Variants in ZSCAN5A observed in about 807,000 individuals in gnomAD.
ZSCAN5A encodes the protein zinc finger and SCAN domain containing 5A, also known as zinc finger and SCAN domain-containing protein 5A.
ZSCAN5A carries 12 observed loss-of-function variants against 23.7 expected under a neutral mutation model. That is an observed-to-expected ratio of 0.51 (90% CI 0.32 to 0.82). The LOEUF is 0.82. ZSCAN5A is among the 40% of genes least tolerant of loss of function. The pLI, the probability that ZSCAN5A is intolerant of heterozygous loss-of-function variation, is 0.03. For missense variants in ZSCAN5A, 597 were observed against 617.9 expected (o/e 0.97, Z 0.36); for synonymous variants, 257 against 239.9 (o/e 1.07, Z -0.66).
chr19:56,237,997 G>A (rs76756224), intron 2 of ZSCAN5A, among the ~76,000 whole-genome samples: 146 of 10,196 alleles, frequency 0.014, 6 homozygotes, highest in African/African-American at 0.028. Flanking sequence ...ACACACATAC[G>A]CACACATACA....
In ZSCAN5A at chr19:56,221,827, C is replaced by T. The variant is rs543909314; in HGVS notation, c.1239G>A (p.Thr413=). ...TGAACTGCTTCTGGCAGACGTCACA[C>T]GTGTAGGGCCTCTCGCCAGTGTGGG... ...QRTHTGERPY[T]CDVCQKQFTQ... The change falls in exon 6 of 6, where the codon ACG becomes ACA. Residue 413 remains threonine, a synonymous_variant. Transcript: ENST00000683990. The T allele has an allele frequency of 6.8e-6, 11 of 1,614,132 alleles. 1 individual carries two copies. Among genetic ancestry groups the T allele is most frequent in the South Asian group, 4.4e-5 (4 of 91,072 alleles).
At chr19:56,297,665 C>G in intron 2 of ZSCAN5A, 2 of 373,360 alleles carry the variant, frequency 5.4e-6, no homozygotes, top group Non-Finnish European at 7.4e-6. Flanking sequence ...TGAGAGGCTG[C>G]CTTCCTGAAG....
At chr19:56,292,009 A>G (rs1196814074) in intron 2 of ZSCAN5A, among the ~76,000 whole-genome samples, 12 of 152,130 alleles carry the variant, frequency 7.9e-5, no homozygotes, top group Non-Finnish European at 1.5e-5. Flanking sequence ...CACTTGACTG[A>G]GGTATAAAGG....
chr19:56,302,201 C>A, intron 2 of ZSCAN5A: 1 of 748,974 alleles, frequency 1.3e-6, no homozygotes, highest in Non-Finnish European at 1.8e-6. Flanking sequence ...AGGTGCCAAG[C>A]AGGAAGTGGT....
At chr19:56,279,152 C>G (rs1018170679) in intron 2 of ZSCAN5A, among the ~76,000 whole-genome samples, 27 of 152,214 alleles carry the variant, frequency 1.8e-4, no homozygotes, top group Admixed American at 1.1e-3. Flanking sequence ...CTTAGTCAAG[C>G]TGACACCCCA....
intron 2 of ZSCAN5A, chr19:56,285,028 A>G (rs1187751483): frequency 1.0e-6 from 1 of 985,136 alleles, no homozygotes; most frequent in Non-Finnish European, 1.2e-6. Context: ...CCGGATGGTA[A>G]GTGTCAGGAT....
At chr19:56,231,709 T>A (rs545266916) in intron 2 of ZSCAN5A, among the ~76,000 whole-genome samples, 2 of 152,384 alleles carry the variant, frequency 1.3e-5, no homozygotes, top group African/African-American at 2.4e-5. Flanking sequence ...AATTAACTGT[T>A]TTATCTGTAC....
chr19:56,255,305 G>A (rs746725603), intron 2 of ZSCAN5A, among the ~76,000 whole-genome samples: 10 of 152,140 alleles, frequency 6.6e-5, no homozygotes, highest in Non-Finnish European at 1.2e-4. Context: ...TGAGCAAAGC[G>A]TGGACAATAG....
At chr19:56,343,096 G>A (rs73052195) in intron 2 of ZSCAN5A, 35,640 of 771,818 alleles carry the variant, frequency 0.046, 1,078 homozygotes, top group South Asian at 0.11. Flanking sequence ...GGCGGCCTTC[G>A]GGTCCTATCC....
intron 2 of ZSCAN5A, among the ~76,000 whole-genome samples, chr19:56,267,074 G>C (rs973170629): frequency 1.3e-5 from 2 of 152,032 alleles, no homozygotes; most frequent in Non-Finnish European, 2.9e-5. Context: ...TCTTACCCCA[G>C]ATCTTCATTA....
At chr19:56,287,004 TA>T (rs2039176376) in intron 2 of ZSCAN5A, among the ~76,000 whole-genome samples, 1 of 152,238 alleles carries the variant, frequency 6.6e-6, no homozygotes, top group Admixed American at 6.5e-5. Context: ...GAGATTATGA[TA>T]AAATGCCAGA....
chr19:56,230,747 C>G (rs1020492152), intron 2 of ZSCAN5A, among the ~76,000 whole-genome samples: 5 of 151,474 alleles, frequency 3.3e-5, no homozygotes, highest in African/African-American at 1.2e-4. Context: ...CCTGATAAAC[C>G]CTATTGTGAA....
chr19:56,305,028 C>T (rs2040593036), intron 2 of ZSCAN5A, among the ~76,000 whole-genome samples: 1 of 152,156 alleles, frequency 6.6e-6, no homozygotes, highest in African/African-American at 2.4e-5. Flanking sequence ...CAAGGAAACA[C>T]ATTGTAAATG....
In ZSCAN5A at chr19:56,245,999, T is replaced by C. The variant is rs951754092; in HGVS notation, c.-127-20826A>G. ...GTGCCAGGGGTTAGGGGCCTCCACC[T>C]AGAGTCATGCTCCTTCCAGTGTCAG... On this transcript the variant is annotated intron_variant, in intron 2 of 5. Transcript: ENST00000683990. Among the ~76,000 whole-genome samples the C allele has an allele frequency of 1.8e-4, 27 of 152,034 alleles. 1 individual carries two copies. Among genetic ancestry groups the C allele is most frequent in the Non-Finnish European group, 3.8e-4 (26 of 67,996 alleles).
At chr19:56,319,779 C>G, upstream of ZSCAN5A, 1 of 769,816 alleles carries the variant, frequency 1.3e-6, no homozygotes. Context: ...TAAGCCCGGT[C>G]CCTCCTGTAA....
intron 2 of ZSCAN5A, among the ~76,000 whole-genome samples, chr19:56,234,996 AGCACACAGGC>A (rs2034768346): frequency 6.6e-6 from 1 of 152,266 alleles, no homozygotes; most frequent in South Asian, 2.1e-4. Flanking sequence ...AAGATTAGGC[AGCACACAGGC>A]CACATCCTCA....
intron 2 of ZSCAN5A, among the ~76,000 whole-genome samples, chr19:56,288,843 C>CA (rs1228817330): frequency 6.6e-6 from 1 of 152,184 alleles, no homozygotes; most frequent in African/African-American, 2.4e-5. Flanking sequence ...CCCTCCGTTG[C>CA]AACCTGGGCT....
At chr19:56,317,838 T>A (rs55757636), upstream of ZSCAN5A, 6,211 of 152,300 alleles carry the variant, frequency 0.041, 154 homozygotes, top group South Asian at 0.11. Context: ...CCACACAAAC[T>A]CCACAAGGAT....
chr19:56,310,837 C>T (rs1049443589), intron 2 of ZSCAN5A, among the ~76,000 whole-genome samples: 8 of 152,096 alleles, frequency 5.3e-5, no homozygotes, highest in African/African-American at 1.4e-4. Flanking sequence ...TTCTTGGGTT[C>T]GAATCCCAGC....
Sources: allele counts gnomAD v4.1 joint callset (sites outside exome capture counted in the v4.1 genomes callset), GRCh38; gene constraint gnomAD v4.1.1; transcripts MANE v1.5; gene names NCBI Gene and HGNC (gene_info 2026-07-23, HGNC 2026-07-21).